The following AGK variants were observed in gnomAD, a reference collection of about 807,000 sequenced individuals.
AGK encodes acylglycerol kinase.
In AGK, 52 loss-of-function variants were observed where a neutral mutation model predicts 66.4. The observed-to-expected ratio is 0.78, with a 90% CI of 0.63 to 0.99. The LOEUF (loss-of-function observed/expected upper bound fraction) is 0.99. AGK is among the 50% of genes least tolerant of loss of function. The pLI is 0.00. For synonymous variants in AGK, 182 were observed against 181.1 expected (o/e 1.00, Z -0.04); for missense variants, 451 against 506.6 (o/e 0.89, Z 1.05).
At chr7:141,564,917 G>A (rs535620560) in intron 2 of AGK, among the ~76,000 whole-genome samples, 3 of 152,016 alleles carry the variant, frequency 2.0e-5, no homozygotes, top group Non-Finnish European at 4.4e-5. Flanking sequence ...AGTAGGGACG[G>A]GGTTTCTCCA....
intron 2 of AGK, among the ~76,000 whole-genome samples, chr7:141,591,969 A>C (rs1796131677): frequency 2.0e-5 from 3 of 152,220 alleles, no homozygotes; most frequent in Admixed American, 1.3e-4. Context: ...ATTTTGCCTC[A>C]TGACAAAATT....
intron 2 of AGK, among the ~76,000 whole-genome samples, chr7:141,568,128 C>A (rs1184284033): frequency 3.3e-5 from 5 of 152,140 alleles, no homozygotes; most frequent in Non-Finnish European, 7.4e-5. Context: ...GAGAGACTGC[C>A]AGTGGGAAGG....
rs370452577 is a variant in AGK, at chr7:141,553,008, T to TA, written c.-15+1584dup. ...TGTACACTCTCAGTTTGGGCTACTG[T>TA]AAAAAAAAAATAGCAAAAACTGGGT... On this transcript the variant is annotated intron_variant, in intron 1 of 15. Coordinates refer to ENST00000649286, the MANE Select transcript of AGK (RefSeq NM_018238.4). Among the ~76,000 whole-genome samples the TA allele has an allele frequency of 6.8e-3, 1,014 of 149,328 alleles. 6 individuals carry two copies. The highest frequency in any genetic ancestry group is 0.015 in the African/African-American group (593 of 40,856).
chr7:141,611,315 T>C, intron 6 of AGK, 28 bp downstream of exon 6: 2 of 1,534,396 alleles, frequency 1.3e-6, no homozygotes, highest in Non-Finnish European at 1.8e-6. Flanking sequence ...TTTGAAGCTA[T>C]TTTGAAGGTG....
At chr7:141,638,119 G>C (rs985970755) in intron 11 of AGK, among the ~76,000 whole-genome samples, 1 of 152,194 alleles carries the variant, frequency 6.6e-6, no homozygotes, top group African/African-American at 2.4e-5. Flanking sequence ...AGTCAAATGA[G>C]ACAGGTTTCC....
At chr7:141,577,330 T>C (rs1296588449) in intron 2 of AGK, among the ~76,000 whole-genome samples, 1 of 152,200 alleles carries the variant, frequency 6.6e-6, no homozygotes, top group East Asian at 1.9e-4. Flanking sequence ...ATCCCTTATC[T>C]TAATTCAGAC....
chr7:141,635,596 A>C (rs1272968817), intron 10 of AGK, among the ~76,000 whole-genome samples: 1 of 152,176 alleles, frequency 6.6e-6, no homozygotes, highest in Admixed American at 6.5e-5. Context: ...CTGTTATTCC[A>C]GGCCCAACTT....
chr7:141,645,420 A>T (rs941991347), intron 13 of AGK, among the ~76,000 whole-genome samples: 1 of 152,156 alleles, frequency 6.6e-6, no homozygotes, highest in African/African-American at 2.4e-5. Flanking sequence ...TAATTATTCT[A>T]ACTTTCTTTC....
intron 5 of AGK, among the ~76,000 whole-genome samples, chr7:141,602,874 A>T (rs555489532): frequency 4.0e-5 from 6 of 151,742 alleles, no homozygotes; most frequent in South Asian, 2.1e-4. Flanking sequence ...TTTATTTTTA[A>T]ATATTTTCAA....
chr7:141,587,159 C>T (rs1796011108), intron 2 of AGK, among the ~76,000 whole-genome samples: 1 of 152,186 alleles, frequency 6.6e-6, no homozygotes, highest in African/African-American at 2.4e-5. Context: ...GATGTGGGCG[C>T]TATCTTTGAC....
chr7:141,632,141 G>T (rs1797070460), intron 9 of AGK, among the ~76,000 whole-genome samples: 1 of 151,288 alleles, frequency 6.6e-6, no homozygotes, highest in African/African-American at 2.4e-5. Flanking sequence ...TGAGGCAGGA[G>T]AATCACTTGA....
In AGK at chr7:141,630,422, A is replaced by G. The variant is rs532745927; in HGVS notation, c.589-3479A>G. On this transcript the variant is annotated intron_variant, in intron 9 of 15. Transcript: ENST00000649286. ...TAAGAGAATAAACTTCAAATGTCTC[A>G]CCACAAAAAAGGATAAGTAAATGAG... 6.6e-5 allele frequency among the ~76,000 whole-genome samples: 10 copies of G among 152,334 alleles called. No individual in the cohort carries two copies. The South Asian group carries it at 1.4e-3, about 22-fold the overall frequency.
chr7:141,610,247 G>A (rs540696386), intron 5 of AGK, among the ~76,000 whole-genome samples: 35 of 152,192 alleles, frequency 2.3e-4, no homozygotes, highest in Admixed American at 2.0e-3. Flanking sequence ...GATTACAGGC[G>A]TGAGCCACCG....
intron 2 of AGK, among the ~76,000 whole-genome samples, chr7:141,587,071 C>T (rs1422197218): frequency 6.6e-6 from 1 of 152,218 alleles, no homozygotes; most frequent in Non-Finnish European, 1.5e-5. Context: ...AGCTCAGTTT[C>T]CTCTCTCTCA....
intron 13 of AGK, among the ~76,000 whole-genome samples, chr7:141,647,019 T>G (rs1298006339): frequency 6.6e-6 from 1 of 152,088 alleles, no homozygotes; most frequent in Non-Finnish European, 1.5e-5. Flanking sequence ...TTGGTGGTTG[T>G]CCTCCTGACT....
intron 2 of AGK, among the ~76,000 whole-genome samples, chr7:141,559,393 C>T (rs1795286135): frequency 6.6e-6 from 1 of 152,062 alleles, no homozygotes; most frequent in Non-Finnish European, 1.5e-5. Flanking sequence ...ATTGCGTGGT[C>T]TTGGCATCCC....
chr7:141,596,862 A>G, intron 4 of AGK: 1 of 527,388 alleles, frequency 1.9e-6, no homozygotes, highest in Non-Finnish European at 3.4e-6. Context: ...TTTAATAATC[A>G]TTCCATGATT....
intron 2 of AGK, among the ~76,000 whole-genome samples, chr7:141,573,469 A>G (rs544321743): frequency 6.6e-6 from 1 of 152,144 alleles, no homozygotes; most frequent in Admixed American, 6.5e-5. Context: ...TTGATTTCAC[A>G]TGATTTTAAG....
At chr7:141,560,216 C>T (rs913505043) in intron 2 of AGK, among the ~76,000 whole-genome samples, 7 of 151,532 alleles carry the variant, frequency 4.6e-5, no homozygotes, top group Non-Finnish European at 7.4e-5. Context: ...GCTGTGGGCT[C>T]ATCATAAATG....
Sources: allele counts gnomAD v4.1 joint callset (sites outside exome capture counted in the v4.1 genomes callset), GRCh38; gene constraint gnomAD v4.1.1; transcripts MANE v1.5; gene names NCBI Gene and HGNC (gene_info 2026-07-23, HGNC 2026-07-21).